The following AMN1 variants were observed in gnomAD, a reference collection of about 807,000 sequenced individuals.
AMN1 encodes the protein antagonist of mitotic exit network 1 homolog, also known as protein AMN1 homolog.
Under a neutral mutation model 33.0 loss-of-function variants are expected in AMN1, and 20 were observed. The ratio of observed to expected loss-of-function variants is 0.61; its 90% CI spans 0.43 to 0.88. The LOEUF is 0.88. AMN1 is among the 40% of genes least tolerant of loss of function. The pLI is 0.00. For synonymous variants in AMN1, 114 were observed against 111.9 expected (o/e 1.02, Z -0.12); for missense variants, 246 against 307.4 (o/e 0.80, Z 1.49).
chr12:31,715,314 GGA>G (rs1939628946), intron 1 of AMN1: 1 of 209,318 alleles, frequency 4.8e-6, no homozygotes, highest in Non-Finnish European at 1.0e-5. Flanking sequence ...AGAAGAGCGG[GGA>G]GAAAGTCAGT....
intron 6 of AMN1, among the ~76,000 whole-genome samples, 197 bp downstream of exon 6, chr12:31,688,810 C>T (rs1938379065): frequency 6.7e-6 from 1 of 148,822 alleles, no homozygotes. Context: ...GACTCCGTCT[C>T]CCAAAAAATT....
chr12:31,728,050 G>A (rs1430143142), intron 1 of AMN1, among the ~76,000 whole-genome samples: 1 of 152,006 alleles, frequency 6.6e-6, no homozygotes, highest in Non-Finnish European at 1.5e-5. Context: ...TAGTAGAGGC[G>A]GGGTTTCGCC....
At chr12:31,725,759 C>T (rs1338275070) in intron 1 of AMN1, among the ~76,000 whole-genome samples, 1 of 152,080 alleles carries the variant, frequency 6.6e-6, no homozygotes, top group Non-Finnish European at 1.5e-5. Flanking sequence ...GCAGTAGCAC[C>T]ATCTTGGCTC....
intron 6 of AMN1, among the ~76,000 whole-genome samples, chr12:31,674,522 TA>T (rs1951346144): frequency 6.6e-6 from 1 of 152,160 alleles, no homozygotes; most frequent in Non-Finnish European, 1.5e-5. Flanking sequence ...CCTACATAGA[TA>T]ATACAGAATG....
chr12:31,726,900 C>A (rs1940095241), intron 1 of AMN1, among the ~76,000 whole-genome samples: 1 of 152,170 alleles, frequency 6.6e-6, no homozygotes, highest in South Asian at 2.1e-4. Context: ...TAGTCTGTTT[C>A]CTCTTTTTTT....
In AMN1 at chr12:31,689,016, A is replaced by G; in HGVS notation, c.694T>C (p.Leu232=). 6.2e-7 allele frequency: 1 copy of G among 1,609,920 alleles called. No homozygotes were observed. The highest frequency in any genetic ancestry group is 8.5e-7 in the Non-Finnish European group (1 of 1,177,032). ...AATCTATTGCACTAACCTGTTATCA[A>G]GGGGCATCCATGGAAGAGTAATATA... ...IRILLFHGCP[L]ITDHSREVLE... Residue 232 remains leucine (L), a synonymous_variant, in exon 6 of 7, where the codon TTG becomes CTG. Coordinates refer to ENST00000281471, the MANE Select transcript of AMN1 (RefSeq NM_001113402.2).
chr12:31,718,310 C>T (rs1304379089), intron 1 of AMN1, among the ~76,000 whole-genome samples: 1 of 152,010 alleles, frequency 6.6e-6, no homozygotes, highest in East Asian at 1.9e-4. Flanking sequence ...GTTAGCAGTT[C>T]CTGTAACCTT....
chr12:31,679,970 CA>C (rs1161409908), intron 6 of AMN1, among the ~76,000 whole-genome samples: 1 of 151,134 alleles, frequency 6.6e-6, no homozygotes, highest in Admixed American at 6.6e-5. Flanking sequence ...ACTAAAAATA[CA>C]AAAAATTAGC....
At chr12:31,682,808 G>T (rs1048068624) in intron 6 of AMN1, among the ~76,000 whole-genome samples, 2 of 152,202 alleles carry the variant, frequency 1.3e-5, no homozygotes, top group Admixed American at 1.3e-4. Flanking sequence ...TCATGTAACG[G>T]TAACACCTAG....
chr12:31,727,920 C>G (rs1214437928), intron 1 of AMN1, among the ~76,000 whole-genome samples: 6 of 152,186 alleles, frequency 3.9e-5, no homozygotes, highest in African/African-American at 1.4e-4. Context: ...TTAGTACATG[C>G]CGCGGTTTTG....
intron 6 of AMN1, among the ~76,000 whole-genome samples, chr12:31,680,727 G>A (rs1937971774): frequency 6.6e-6 from 1 of 152,212 alleles, no homozygotes; most frequent in Non-Finnish European, 1.5e-5. Context: ...TAATCTGGGA[G>A]TCAGGTTGCT....
At chr12:31,685,967 A>C (rs959906494) in intron 6 of AMN1, among the ~76,000 whole-genome samples, 25 of 151,778 alleles carry the variant, frequency 1.6e-4, no homozygotes, top group Non-Finnish European at 4.4e-5. Context: ...TGCACTCATT[A>C]ATCATTTAGT....
At chr12:31,708,942 C>T (rs912217390) in intron 2 of AMN1, 2 of 383,142 alleles carry the variant, frequency 5.2e-6, no homozygotes. Context: ...TTTTGAGAGG[C>T]TGAGGCGGAT....
At chr12:31,728,868 G>T in intron 1 of AMN1, 103 bp downstream of exon 1, 1 of 1,167,548 alleles carries the variant, frequency 8.6e-7, no homozygotes, top group Non-Finnish European at 1.2e-6. Flanking sequence ...AGAGGTCGGC[G>T]GGGGGGGTGG....
intron 2 of AMN1, 131 bp downstream of exon 2, chr12:31,709,162 A>G (rs1367043164): frequency 9.9e-7 from 1 of 1,013,264 alleles, no homozygotes; most frequent in Non-Finnish European, 1.5e-6. Flanking sequence ...GCAACGGAGC[A>G]TGACCCTGTA....
chr12:31,678,305 G>A (rs1321393064), intron 6 of AMN1, among the ~76,000 whole-genome samples: 1 of 152,006 alleles, frequency 6.6e-6, no homozygotes, highest in African/African-American at 2.4e-5. Context: ...AAAAATCTAT[G>A]ACAATATAGA....
chr12:31,715,286 T>C lies in AMN1; in HGVS notation c.39-5861A>G, dbSNP rs149954912. ...AAAAATAAAATGACACTGGCCAGTA[T>C]AGTCTGAATATCTAGGAAGAAGAGC... On this transcript the variant is annotated intron_variant, in intron 1 of 6. Transcript: ENST00000281471. 7.0e-5 allele frequency: 13 copies of C among 185,908 alleles called. No homozygotes were observed. In the East Asian group the frequency reaches 1.7e-3, roughly 25 times the overall value. The allele number at this position is 185,908 out of a possible 1,614,324, so 11.5% of individuals were successfully genotyped here.
intron 6 of AMN1, among the ~76,000 whole-genome samples, chr12:31,677,615 G>A (rs925847270): frequency 6.6e-6 from 1 of 152,234 alleles, no homozygotes; most frequent in South Asian, 2.1e-4. Flanking sequence ...CTCAGAAAAG[G>A]ATTCCCCAAA....
At chr12:31,729,060 C>G (rs1270532009), upstream of AMN1, 3 of 1,470,036 alleles carry the variant, frequency 2.0e-6, no homozygotes, top group Non-Finnish European at 2.7e-6. Flanking sequence ...CAGAACCCAG[C>G]CAGGGACCGT....
Sources: gnomAD v4.1 joint callset for allele counts (sites outside exome capture counted in the v4.1 genomes callset) on GRCh38, gnomAD v4.1.1 for gene constraint, MANE v1.5 for transcripts, NCBI Gene and HGNC (gene_info 2026-07-23, HGNC 2026-07-21) for gene names.